The following PKHD1 variants were observed in gnomAD, a reference collection of about 807,000 sequenced individuals.
PKHD1 encodes PKHD1 ciliary IPT domain containing fibrocystin/polyductin.
In PKHD1, 291 loss-of-function variants were observed where a neutral mutation model predicts 412.0. The observed-to-expected ratio is 0.71, with a 90% CI of 0.64 to 0.78. The LOEUF is 0.78. PKHD1 is among the 30% of genes least tolerant of loss of function. PKHD1 has a pLI of 0.00. For missense variants in PKHD1, 4,825 were observed against 4,950.7 expected (o/e 0.97, Z 0.76); for synonymous variants, 1,777 against 1,821.5 (o/e 0.98, Z 0.62).
chr6:51,964,043 C>T (rs1215791898), intron 35 of PKHD1, among the ~76,000 whole-genome samples: 3 of 151,924 alleles, frequency 2.0e-5, no homozygotes, highest in Non-Finnish European at 4.4e-5. Flanking sequence ...TGCATCTAGC[C>T]CCAAATAAAC....
intron 52 of PKHD1, among the ~76,000 whole-genome samples, chr6:51,821,586 G>C (rs1295727740): frequency 3.3e-5 from 5 of 152,144 alleles, no homozygotes; most frequent in Admixed American, 6.6e-5. Flanking sequence ...CTCCAGGATT[G>C]AACTCATTCT....
At chr6:51,677,557 G>T (rs1489206612) in intron 60 of PKHD1, among the ~76,000 whole-genome samples, 1 of 151,996 alleles carries the variant, frequency 6.6e-6, no homozygotes, top group Non-Finnish European at 1.5e-5. Flanking sequence ...TTTGTAGTTG[G>T]GCCTATTTTC....
At chr6:51,673,996 A>G (rs1775438913) in intron 60 of PKHD1, among the ~76,000 whole-genome samples, 1 of 152,166 alleles carries the variant, frequency 6.6e-6, no homozygotes, top group African/African-American at 2.4e-5. Context: ...GGAGATGTGT[A>G]TTCTAGAGAT....
chr6:52,022,131 G>A (rs577121772), intron 33 of PKHD1, among the ~76,000 whole-genome samples: 1 of 152,238 alleles, frequency 6.6e-6, no homozygotes, highest in African/African-American at 2.4e-5. Context: ...CATGTGTTGT[G>A]AATCCCCAAG....
intron 63 of PKHD1, among the ~76,000 whole-genome samples, chr6:51,643,098 CAGA>C (rs1769589402): frequency 6.6e-6 from 1 of 152,084 alleles, no homozygotes; most frequent in Admixed American, 6.6e-5. Flanking sequence ...GTATTAAGAT[CAGA>C]AGGTGAGTGA....
At chr6:51,628,586 T>C (rs1767563729) in intron 65 of PKHD1, among the ~76,000 whole-genome samples, 1 of 152,222 alleles carries the variant, frequency 6.6e-6, no homozygotes, top group Non-Finnish European at 1.5e-5. Flanking sequence ...CTTTTGGGTA[T>C]ATACCCAGTA....
chr6:52,062,996 C>T (rs1288311728), intron 13 of PKHD1, among the ~76,000 whole-genome samples: 1 of 152,022 alleles, frequency 6.6e-6, no homozygotes, highest in East Asian at 1.9e-4. Context: ...GTGCTGGTGA[C>T]GTGGCTTGGC....
At chr6:51,666,614 T>A (rs1209397627) in intron 60 of PKHD1, among the ~76,000 whole-genome samples, 2 of 151,890 alleles carry the variant, frequency 1.3e-5, no homozygotes, top group African/African-American at 4.8e-5. Context: ...TACATATGTA[T>A]ACATGTGCCA....
intron 50 of PKHD1, among the ~76,000 whole-genome samples, chr6:51,843,181 G>A (rs1190899962): frequency 6.6e-6 from 1 of 152,200 alleles, no homozygotes; most frequent in Non-Finnish European, 1.5e-5. Context: ...TTGTGCCTGG[G>A]CCTAAATTTG....
chr6:51,636,419 C>T lies in PKHD1; in HGVS notation c.11506+2430G>A, dbSNP rs372012401. Among the ~76,000 whole-genome samples the T allele has an allele frequency of 1.8e-4, 27 of 152,094 alleles. 2 individuals carry two copies. The East Asian group carries it at 4.6e-3, about 26-fold the overall frequency. ...AACCAACTGGGTGTGGTGGCACACA[C>T]GTCTGTAGTCCCAGCTACTTTGGAG... On this transcript the variant is annotated intron_variant, in intron 64 of 66. Coordinates refer to ENST00000371117, the MANE Select transcript of PKHD1 (RefSeq NM_138694.4).
In PKHD1 at chr6:51,873,198, T is replaced by C. The variant is rs1421800098; in HGVS notation, c.7351-2559A>G. Among the ~76,000 whole-genome samples the C allele has an allele frequency of 4.1e-5, 5 of 123,090 alleles. No individual in the cohort carries two copies. In the East Asian group the frequency reaches 2.2e-3, roughly 54 times the overall value. The allele number at this position is 123,090 out of a possible 152,430, so 80.8% of individuals were successfully genotyped here. On this transcript the variant is annotated intron_variant, in intron 46 of 66. Coordinates refer to ENST00000371117, the MANE Select transcript of PKHD1 (RefSeq NM_138694.4). ...ATGCACATGAAGACCAGAAGGCATA[T>C]AGAATAATGCTTATAGCATTATTAT... is the stretch of plus-strand genomic sequence containing the variant.
At chr6:51,873,487 T>C (rs1247023505) in intron 46 of PKHD1, among the ~76,000 whole-genome samples, 2 of 152,250 alleles carry the variant, frequency 1.3e-5, no homozygotes, top group Admixed American at 1.3e-4. Context: ...GGCAATGTTC[T>C]ATTTCTTGTT....
rs116156469 is a variant in PKHD1, at chr6:51,912,514, G to A, written c.6184C>T (p.Leu2062=). 1,124 of 1,613,288 alleles carry A rather than the reference G, an allele frequency of 7.0e-4. 11 individuals are homozygous for A. The African/African-American group carries it at 8.4e-3, about 12-fold the overall frequency. Residue 2062 remains leucine, a synonymous_variant, in exon 38 of 67, where the codon CTG becomes TTG. Transcript: ENST00000371117. ...RATAHALDTV[L]ALEDAVDWNP... ...CAGTCCACAGCATCTTCTAAAGCCA[G>A]CACTGTGTCTAGGGCATGGGCAGTT...
At chr6:51,943,388 T>C (rs1437931987) in intron 36 of PKHD1, among the ~76,000 whole-genome samples, 1 of 150,380 alleles carries the variant, frequency 6.6e-6, no homozygotes. Flanking sequence ...ACTGCATCCC[T>C]TCCACCAAAA....
chr6:51,681,495 C>T (rs535286366), intron 60 of PKHD1, among the ~76,000 whole-genome samples: 1 of 152,128 alleles, frequency 6.6e-6, no homozygotes, highest in African/African-American at 2.4e-5. Flanking sequence ...TTTAAAAGAC[C>T]AGTAGCCTTA....
At chr6:51,801,427 T>C (rs1207101645) in intron 52 of PKHD1, among the ~76,000 whole-genome samples, 4 of 152,156 alleles carry the variant, frequency 2.6e-5, no homozygotes, top group South Asian at 2.1e-4. Flanking sequence ...TTTCTATAAC[T>C]AAACTCTTTT....
chr6:51,946,425 A>G lies in PKHD1; in HGVS notation c.5909-12103T>C, dbSNP rs774348882. The stretch of plus-strand genomic sequence containing the variant: ...AAACCTTCTTTATGTGAAAGAAGAT[A>G]AAGTTTATACTTAATCTATCTTTAT... On this transcript the variant is annotated intron_variant, in intron 36 of 66. Transcript: ENST00000371117. 4.6e-5 allele frequency among the ~76,000 whole-genome samples: 7 copies of G among 152,360 alleles called. No individual in the cohort carries two copies. In the South Asian group the frequency reaches 1.5e-3, roughly 32 times the overall value.
rs1554189207 is a variant in PKHD1, at chr6:52,006,371, G to GTTTGT, written c.5751+3937_5751+3938insACAAA. ...TTTGTTTTTTGTTGTTGTTGTTGTTGTTGTTTGTTTGTTTGTTTGTTTTGA... is the reference window on the plus strand; with the variant it reads ...TTTGTTTTTTGTTGTTGTTGTTGTTGTTTGTTTGTTTGTTTGTTTGTTTGTTTTGA... On this transcript the variant is annotated intron_variant, in intron 35 of 66. Coordinates refer to ENST00000371117, the MANE Select transcript of PKHD1 (RefSeq NM_138694.4). Among the ~76,000 whole-genome samples, 7 of 148,692 alleles carry GTTTGT rather than the reference G, an allele frequency of 4.7e-5. No individual in the cohort carries two copies. In the South Asian group the frequency reaches 6.5e-4, roughly 14 times the overall value.
At chr6:51,688,068 G>A in intron 60 of PKHD1, among the ~76,000 whole-genome samples, 1 of 152,190 alleles carries the variant, frequency 6.6e-6, no homozygotes. Context: ...TCACTCTGAT[G>A]TACATGTCAT....
Sources: gnomAD v4.1 joint callset for allele counts (sites outside exome capture counted in the v4.1 genomes callset) on GRCh38, gnomAD v4.1.1 for gene constraint, MANE v1.5 for transcripts, NCBI Gene and HGNC (gene_info 2026-07-23, HGNC 2026-07-21) for gene names.